The following DISP1 variants were observed in gnomAD, a reference collection of about 807,000 sequenced individuals.
The protein encoded by DISP1 is protein dispatched homolog 1.
Under a neutral mutation model 37.3 loss-of-function variants are expected in DISP1, and 30 were observed. The ratio of observed to expected loss-of-function variants is 0.80; its 90% CI spans 0.60 to 1.09. The LOEUF (loss-of-function observed/expected upper bound fraction) is 1.09, where lower values mean the gene tolerates loss of function less well. Ranked by LOEUF, DISP1 falls within the 50% of genes least tolerant of loss-of-function variation. The pLI is 0.00. For missense variants in DISP1, 1,598 were observed against 1,879.5 expected (o/e 0.85, Z 2.77); for synonymous variants, 634 against 690.2 (o/e 0.92, Z 1.28).
chr1:222,831,873 A>G (rs922300357), intron 1 of DISP1, among the ~76,000 whole-genome samples: 19 of 152,174 alleles, frequency 1.2e-4, no homozygotes, highest in African/African-American at 4.3e-4. Flanking sequence ...CCATCTTGAG[A>G]AAACTCTGAA....
intron 1 of DISP1, among the ~76,000 whole-genome samples, chr1:222,924,383 T>C (rs1672969096): frequency 6.6e-6 from 1 of 152,118 alleles, no homozygotes. Context: ...CATCTAGTGT[T>C]TGGATTTTGT....
intron 1 of DISP1, among the ~76,000 whole-genome samples, chr1:222,891,673 G>A (rs1222511779): frequency 6.6e-6 from 1 of 152,106 alleles, no homozygotes; most frequent in Admixed American, 6.5e-5. Flanking sequence ...GAGAAGGAGG[G>A]ATTGGTTGAT....
intron 3 of DISP1, among the ~76,000 whole-genome samples, chr1:222,946,087 G>A (rs1218246592): frequency 6.6e-6 from 1 of 151,908 alleles, no homozygotes; most frequent in Non-Finnish European, 1.5e-5. Context: ...AAGAATTTGA[G>A]CCTTGGCCGG....
chr1:222,999,998 C>T lies in DISP1; in HGVS notation c.988-2387C>T, dbSNP rs569533972. 8.5e-5 allele frequency among the ~76,000 whole-genome samples: 13 copies of T among 152,258 alleles called. No homozygotes were observed. The South Asian group carries it at 2.7e-3, about 32-fold the overall frequency. On this transcript the variant is annotated intron_variant, in intron 8 of 8. Coordinates refer to ENST00000675850, the MANE Select transcript of DISP1 (RefSeq NM_001377229.1). ...TTAATCTGTGTTTATAATGTCTAAC[C>T]GCTTAATCTTTGGTCAACTATACAC...
chr1:222,925,425 G>A (rs1253766786), intron 1 of DISP1, among the ~76,000 whole-genome samples: 1 of 152,090 alleles, frequency 6.6e-6, no homozygotes, highest in East Asian at 1.9e-4. Flanking sequence ...ATCAAAGAGT[G>A]TTAAAATACC....
chr1:222,936,637 T>C (rs1291560599), intron 2 of DISP1, among the ~76,000 whole-genome samples: 1 of 111,890 alleles, frequency 8.9e-6, no homozygotes, highest in Admixed American at 1.1e-4. Flanking sequence ...CTCTCATATA[T>C]ATGAGATATA....
At chr1:222,923,021 A>C (rs1448334977) in intron 1 of DISP1, among the ~76,000 whole-genome samples, 4 of 152,218 alleles carry the variant, frequency 2.6e-5, no homozygotes, top group Admixed American at 2.0e-4. Context: ...GATTGTAGGA[A>C]GTGAAGGAAC....
chr1:222,943,521 C>T, intron 3 of DISP1, 189 bp downstream of exon 3: 1 of 724,798 alleles, frequency 1.4e-6, no homozygotes, highest in Non-Finnish European at 2.3e-6. Context: ...CGATTTTATC[C>T]ACTGACTTGT....
chr1:222,938,820 G>C (rs550835319), intron 2 of DISP1, among the ~76,000 whole-genome samples: 1 of 148,988 alleles, frequency 6.7e-6, no homozygotes, highest in African/African-American at 2.5e-5. Context: ...ATCTTTCTCT[G>C]TATGGGCCTT....
At chr1:222,894,953 A>G (rs1360456501) in intron 1 of DISP1, among the ~76,000 whole-genome samples, 1 of 152,220 alleles carries the variant, frequency 6.6e-6, no homozygotes, top group Non-Finnish European at 1.5e-5. Context: ...AACACCACCT[A>G]AGAGATTGAT....
chr1:222,869,946 C>T (rs570315051), intron 1 of DISP1, among the ~76,000 whole-genome samples: 2 of 152,022 alleles, frequency 1.3e-5, no homozygotes, highest in Non-Finnish European at 2.9e-5. Flanking sequence ...CCTCTCCCCC[C>T]ACCCCACAAC....
intron 3 of DISP1, among the ~76,000 whole-genome samples, chr1:222,957,842 G>T (rs1572623070): frequency 6.6e-6 from 1 of 152,238 alleles, no homozygotes; most frequent in East Asian, 1.9e-4. Context: ...TTAGGACCAG[G>T]CTATAGTAAG....
At chr1:222,843,575 A>G (rs1667731212) in intron 1 of DISP1, among the ~76,000 whole-genome samples, 2 of 151,736 alleles carry the variant, frequency 1.3e-5, no homozygotes, top group South Asian at 4.2e-4. Context: ...GGGGGGGGAA[A>G]TTTCTTTTGA....
At chr1:222,989,317 A>G (rs1446257286) in intron 4 of DISP1, 50 of 964,288 alleles carry the variant, frequency 5.2e-5, no homozygotes, top group Non-Finnish European at 6.2e-5. Context: ...GTAGTGGTCC[A>G]CAAGTTAAAT....
intron 1 of DISP1, among the ~76,000 whole-genome samples, chr1:222,855,066 T>C (rs1019344673): frequency 1.3e-5 from 2 of 152,176 alleles, no homozygotes; most frequent in African/African-American, 4.8e-5. Context: ...GAACTTCTAC[T>C]AGACACAAAG....
chr1:222,890,659 C>T (rs1056094280), intron 1 of DISP1, among the ~76,000 whole-genome samples: 1 of 152,098 alleles, frequency 6.6e-6, no homozygotes, highest in Non-Finnish European at 1.5e-5. Flanking sequence ...GTATGACAAA[C>T]TGGGTGGTTT....
At chr1:222,984,974 G>C (rs2789953) in intron 4 of DISP1, among the ~76,000 whole-genome samples, 41,440 of 151,846 alleles carry the variant, frequency 0.27, 5,827 homozygotes, top group South Asian at 0.34. Context: ...TCTCCTTTTT[G>C]TAAGGCTGAA....
rs745880424 is a variant in DISP1, at chr1:223,005,871, A to C, written c.4474A>C (p.Asn1492His). 109 of 1,614,116 alleles carry C rather than the reference A, an allele frequency of 6.8e-5. No individual in the cohort carries two copies. The highest frequency in any genetic ancestry group is 9.0e-5 in the Non-Finnish European group (106 of 1,180,052). ...SCGRIVRVKC[N>H]SVDCQMPNME... is the part of the protein sequence containing the mutation. ...TGGCAGAATTGTGAGAGTGAAGTGC[A>C]ATTCTGTGGACTGTCAAATGCCAAA... The change falls in exon 9 of 9, where the codon AAT (asparagine) becomes CAT (histidine). Residue 1492 changes from asparagine (N) to histidine (H), a missense_variant. Asn to His is a moderately conservative substitution (Grantham distance 68). Coordinates refer to ENST00000675850, the MANE Select transcript of DISP1 (RefSeq NM_001377229.1).
chr1:222,871,479 T>C (rs1370846196), intron 1 of DISP1, among the ~76,000 whole-genome samples: 1 of 152,208 alleles, frequency 6.6e-6, no homozygotes, highest in Non-Finnish European at 1.5e-5. Context: ...AGCAGTGGTT[T>C]GTAGTTCTCC....
Sources: allele counts gnomAD v4.1 joint callset (sites outside exome capture counted in the v4.1 genomes callset), GRCh38; gene constraint gnomAD v4.1.1; transcripts MANE v1.5; gene names NCBI Gene and HGNC (gene_info 2026-07-23, HGNC 2026-07-21).